CSMD1: variants seen among roughly 807,000 people sequenced by gnomAD.
CSMD1 encodes the protein CUB and Sushi multiple domains 1.
A neutral mutation model predicts 417.5 loss-of-function variants in CSMD1; 213 were observed. The observed-to-expected ratio is 0.51, with a 90% confidence interval of 0.46 to 0.57. The LOEUF (loss-of-function observed/expected upper bound fraction) is 0.57. Ranked by LOEUF, CSMD1 falls within the 20% of genes least tolerant of loss-of-function variation. The pLI is 0.00. For synonymous variants in CSMD1, 2,862 were observed against 1,736.8 expected, an observed-to-expected ratio of 1.65 and a Z score of -16.11; for missense variants, 6,923 against 4,529.7, an observed-to-expected ratio of 1.53 and a Z score of -15.17.
intron 3 of CSMD1, among the ~76,000 whole-genome samples, chr8:4,413,775 G>C (rs532041196): frequency 6.6e-6 from 1 of 152,068 alleles, no homozygotes; most frequent in East Asian, 2.0e-4. Flanking sequence ...ACAAACGAGA[G>C]ATTTCGGTAG....
At chr8:4,261,719 T>C (rs906656400) in intron 3 of CSMD1, among the ~76,000 whole-genome samples, 4 of 152,054 alleles carry the variant, frequency 2.6e-5, no homozygotes, top group Non-Finnish European at 5.9e-5. Flanking sequence ...TGAGAGCAGA[T>C]CTTAAATGCC....
intron 1 of CSMD1, among the ~76,000 whole-genome samples, chr8:4,830,830 A>G (rs1287633208): frequency 1.3e-5 from 2 of 152,234 alleles, no homozygotes; most frequent in African/African-American, 2.4e-5. Context: ...GCAGGGAAAG[A>G]AAGAGAAATC....
rs111555457 is a variant in CSMD1, at chr8:3,850,501, C to T, written c.819-96459G>A. Among the ~76,000 whole-genome samples the T allele has an allele frequency of 6.9e-3, 1,044 of 152,212 alleles. 15 individuals carry two copies. Among genetic ancestry groups the T allele is most frequent in the African/African-American group, 0.022 (896 of 41,526 alleles). ...CTTGAGGTCAAGAGTTCAAGACCGG[C>T]TTGGCCAACATGGCAAAACCCCATC... On this transcript the variant is annotated intron_variant, in intron 5 of 69. Coordinates refer to ENST00000635120, the MANE Select transcript of CSMD1 (RefSeq NM_033225.6).
At chr8:3,961,608 C>T (rs952104684) in intron 5 of CSMD1, among the ~76,000 whole-genome samples, 6 of 152,158 alleles carry the variant, frequency 3.9e-5, no homozygotes, top group Admixed American at 3.9e-4. Context: ...TTTACTCAGG[C>T]ACCATTTGTA....
intron 3 of CSMD1, among the ~76,000 whole-genome samples, chr8:4,343,013 A>T (rs778111952): frequency 6.6e-5 from 10 of 152,086 alleles, no homozygotes; most frequent in Non-Finnish European, 1.3e-4. Context: ...AGTGCACCTG[A>T]CTTGTGCCTC....
intron 5 of CSMD1, among the ~76,000 whole-genome samples, chr8:3,781,646 CTGTGA>C (rs1423705225): frequency 6.6e-6 from 1 of 152,200 alleles, no homozygotes; most frequent in African/African-American, 2.4e-5. Context: ...ATGATTGTCC[CTGTGA>C]TGTGAATGGC....
At chr8:4,267,741 G>C (rs575660254) in intron 3 of CSMD1, among the ~76,000 whole-genome samples, 2 of 152,048 alleles carry the variant, frequency 1.3e-5, no homozygotes, top group Non-Finnish European at 2.9e-5. Context: ...ATTCCAAATT[G>C]TAAGGTGCCA....
intron 11 of CSMD1, among the ~76,000 whole-genome samples, chr8:3,472,125 C>G (rs1057243790): frequency 3.9e-5 from 6 of 152,108 alleles, no homozygotes; most frequent in African/African-American, 1.2e-4. Flanking sequence ...TGTGGGCAAT[C>G]TGATAATGCT....
chr8:3,888,268 A>G (rs966895556), intron 5 of CSMD1, among the ~76,000 whole-genome samples: 1 of 152,148 alleles, frequency 6.6e-6, no homozygotes, highest in Non-Finnish European at 1.5e-5. Flanking sequence ...AATACACCCA[A>G]ATGCCAAACC....
chr8:3,839,572 T>G (rs1315715694), intron 5 of CSMD1, among the ~76,000 whole-genome samples: 2 of 132,432 alleles, frequency 1.5e-5, no homozygotes, highest in African/African-American at 5.6e-5. Flanking sequence ...TATATAATAT[T>G]AATTTATTAT....
chr8:4,673,897 A>C (rs183396716), intron 1 of CSMD1, among the ~76,000 whole-genome samples: 1 of 152,162 alleles, frequency 6.6e-6, no homozygotes, highest in Non-Finnish European at 1.5e-5. Context: ...TGATTGCTGA[A>C]AGATACAGGG....
chr8:3,105,253 G>T lies in CSMD1; in HGVS notation c.6949+1275C>A, dbSNP rs563458530. Among the ~76,000 whole-genome samples the T allele has an allele frequency of 2.6e-5, 4 of 152,296 alleles. No homozygotes were observed. The South Asian group carries it at 8.3e-4, about 32-fold the overall frequency. ...GACTTGCTCAAAGCTGCCTGATGGG[G>T]TGACTCTGGCTCCGGGTCCTGTCTT... On this transcript the variant is annotated intron_variant, in intron 46 of 69. Coordinates refer to ENST00000635120, the MANE Select transcript of CSMD1 (RefSeq NM_033225.6).
At chr8:4,768,347 G>A (rs967288217) in intron 1 of CSMD1, among the ~76,000 whole-genome samples, 6 of 151,958 alleles carry the variant, frequency 3.9e-5, no homozygotes, top group African/African-American at 1.4e-4. Flanking sequence ...GGTACACAGA[G>A]GAAGACAAGT....
At chr8:3,918,296 C>T (rs186927229) in intron 5 of CSMD1, among the ~76,000 whole-genome samples, 1 of 152,018 alleles carries the variant, frequency 6.6e-6, no homozygotes, top group Non-Finnish European at 1.5e-5. Flanking sequence ...TTCATAAGGA[C>T]TGAGCCAATT....
At chr8:4,730,767 T>C (rs1245965639) in intron 1 of CSMD1, among the ~76,000 whole-genome samples, 1 of 151,168 alleles carries the variant, frequency 6.6e-6, no homozygotes, top group Non-Finnish European at 1.5e-5. Context: ...AAAAAAAGAA[T>C]AAAGGAAATG....
chr8:4,855,673 G>A (rs1801756652), intron 1 of CSMD1, among the ~76,000 whole-genome samples: 1 of 152,136 alleles, frequency 6.6e-6, no homozygotes, highest in South Asian at 2.1e-4. Flanking sequence ...AGCGATGGAA[G>A]ATGAAATGAA....
intron 49 of CSMD1, among the ~76,000 whole-genome samples, chr8:3,061,096 T>C (rs573438534): frequency 3.9e-5 from 6 of 152,298 alleles, no homozygotes; most frequent in East Asian, 1.9e-4. Context: ...TGAAAGAACA[T>C]AGATTTAGAC....
At chr8:4,703,338 G>A (rs770592149) in intron 1 of CSMD1, among the ~76,000 whole-genome samples, 11 of 152,050 alleles carry the variant, frequency 7.2e-5, no homozygotes, top group South Asian at 4.1e-4. Flanking sequence ...GTCGCTCCAC[G>A]GACCTTTCTG....
At chr8:4,975,786 G>T (rs1184316099) in intron 1 of CSMD1, among the ~76,000 whole-genome samples, 1 of 152,122 alleles carries the variant, frequency 6.6e-6, no homozygotes, top group Non-Finnish European at 1.5e-5. Flanking sequence ...ACCAGTTGTG[G>T]AGGAGTCATG....
Sources: gnomAD v4.1 joint callset for allele counts (sites outside exome capture counted in the v4.1 genomes callset) on GRCh38, gnomAD v4.1.1 for gene constraint, MANE v1.5 for transcripts, NCBI Gene and HGNC (gene_info 2026-07-23, HGNC 2026-07-21) for gene names.